The following MCM9 variants were observed in gnomAD, a reference collection of about 807,000 sequenced individuals.
MCM9 encodes DNA helicase MCM9.
MCM9 carries 55 observed loss-of-function variants against 72.8 expected under a neutral mutation model. That is an observed-to-expected ratio of 0.76 (90% confidence interval 0.61 to 0.95). The LOEUF (loss-of-function observed/expected upper bound fraction) is 0.95. MCM9 is among the 40% of genes least tolerant of loss of function. MCM9 has a pLI of 0.00. For missense variants in MCM9, 1,279 were observed against 1,377.0 expected (o/e 0.93, Z 1.13); for synonymous variants, 480 against 503.4 (o/e 0.95, Z 0.62).
At chr6:118,894,102 C>G (rs1344430426) in intron 8 of MCM9, 6 of 1,144,750 alleles carry the variant, frequency 5.2e-6, no homozygotes, top group African/African-American at 1.6e-5. Context: ...ATTCCGGGAG[C>G]GGGAGCCCAT....
chr6:118,921,854 A>T (rs1781457914), intron 5 of MCM9, 151 bp downstream of exon 5: 2 of 589,444 alleles, frequency 3.4e-6, no homozygotes, highest in Non-Finnish European at 6.0e-6. Context: ...TCCTGCTATC[A>T]CTTCCCACCT....
chr6:118,930,043 T>C (rs1056863633), intron 3 of MCM9, among the ~76,000 whole-genome samples: 3 of 152,126 alleles, frequency 2.0e-5, no homozygotes, highest in South Asian at 2.1e-4. Flanking sequence ...GCATTCTTAT[T>C]GATTATAAAT....
chr6:118,852,996 C>G (rs1036649083), intron 9 of MCM9, among the ~76,000 whole-genome samples: 3 of 152,094 alleles, frequency 2.0e-5, no homozygotes, highest in Non-Finnish European at 2.9e-5. Flanking sequence ...CTTTATATTG[C>G]TAGTAGTATT....
At chr6:118,923,029 CAAA>C (rs780562520) in intron 4 of MCM9, among the ~76,000 whole-genome samples, 3 of 43,526 alleles carry the variant, frequency 6.9e-5, no homozygotes, top group Non-Finnish European at 1.0e-4. Context: ...AACTCCATCT[CAAA>C]AAAAAAAAAA....
intron 9 of MCM9, among the ~76,000 whole-genome samples, chr6:118,853,839 G>A (rs1375211664): frequency 1.3e-5 from 2 of 152,062 alleles, no homozygotes; most frequent in African/African-American, 2.4e-5. Context: ...TCTACAGATC[G>A]CTTTGGGGAG....
At chr6:118,870,847 C>T (rs1316596685) in intron 8 of MCM9, among the ~76,000 whole-genome samples, 2 of 151,766 alleles carry the variant, frequency 1.3e-5, no homozygotes, top group African/African-American at 4.8e-5. Flanking sequence ...ACAAATTTGA[C>T]CACCTAGAAG....
At chr6:118,913,533 A>G (rs1780710384) in intron 6 of MCM9, 113 bp from the exon 7 acceptor site, 2 of 1,309,148 alleles carry the variant, frequency 1.5e-6, no homozygotes, top group Admixed American at 2.2e-5. Flanking sequence ...TACTATGTGA[A>G]GTGATCAGGA....
chr6:118,904,648 T>G (rs1358177586), intron 8 of MCM9, among the ~76,000 whole-genome samples: 1 of 152,248 alleles, frequency 6.6e-6, no homozygotes, highest in Non-Finnish European at 1.5e-5. Flanking sequence ...AGGTTCACCT[T>G]ACAATAGCTT....
intron 6 of MCM9, among the ~76,000 whole-genome samples, chr6:118,916,402 T>A (rs1409648743): frequency 6.7e-6 from 1 of 148,198 alleles, no homozygotes; most frequent in Non-Finnish European, 1.5e-5. Flanking sequence ...TCCCATAAAA[T>A]AAAACTATCC....
intron 8 of MCM9, among the ~76,000 whole-genome samples, chr6:118,904,201 T>C (rs538199252): frequency 6.6e-6 from 1 of 152,254 alleles, no homozygotes; most frequent in South Asian, 2.1e-4. Context: ...GGAGATGACA[T>C]GAATTCAGCC....
At chr6:118,890,009 G>C (rs1475951960) in intron 8 of MCM9, among the ~76,000 whole-genome samples, 2 of 152,210 alleles carry the variant, frequency 1.3e-5, no homozygotes, top group African/African-American at 4.8e-5. Flanking sequence ...ATGCATTCCA[G>C]GATGTGTAGC....
At chr6:118,821,633 T>C (rs1163073169) in intron 13 of MCM9, among the ~76,000 whole-genome samples, 6 of 152,126 alleles carry the variant, frequency 3.9e-5, no homozygotes, top group Non-Finnish European at 5.9e-5. Flanking sequence ...ATCTTAGTGG[T>C]GTTCTCTGTA....
intron 8 of MCM9, among the ~76,000 whole-genome samples, chr6:118,888,333 A>C (rs2114434273): frequency 6.6e-6 from 1 of 152,170 alleles, no homozygotes; most frequent in South Asian, 2.1e-4. Flanking sequence ...AAAAATACAA[A>C]AAAATTAGCC....
intron 9 of MCM9, among the ~76,000 whole-genome samples, chr6:118,845,279 G>A (rs1484655553): frequency 6.6e-6 from 1 of 151,902 alleles, no homozygotes; most frequent in South Asian, 2.1e-4. Flanking sequence ...TGGTGGCGAT[G>A]AGATAATACA....
In MCM9 at chr6:118,856,444, T is replaced by G; in HGVS notation, c.1252A>C (p.Ser418Arg). The stretch of plus-strand genomic sequence containing the variant: ...CTGGTCCTATCATGCTCTTTGAGGC[T>G]ATTGAACTCATCAATACAGCAAAGG... ...AGLCCIDEFNSLKEHDRTSIH... is the reference protein window; with the variant it reads ...AGLCCIDEFNRLKEHDRTSIH... Residue 418 changes from serine to arginine, a missense_variant, in exon 9 of 14, where the codon AGC (serine) becomes CGC (arginine). Physicochemically the swap from Ser to Arg is moderately radical, Grantham distance 110. Coordinates refer to ENST00000619706, the MANE Select transcript of MCM9 (RefSeq NM_017696.3). 1 of 1,535,724 alleles carries G rather than the reference T, an allele frequency of 6.5e-7. No individual in the cohort carries two copies. The highest frequency in any genetic ancestry group is 8.7e-7 in the Non-Finnish European group (1 of 1,146,896).
intron 9 of MCM9, among the ~76,000 whole-genome samples, chr6:118,853,101 G>T (rs1034979985): frequency 6.6e-6 from 1 of 152,136 alleles, no homozygotes. Flanking sequence ...GAACAAAGCT[G>T]CTATAAACCA....
chr6:118,925,299 G>T (rs181076272), intron 3 of MCM9, among the ~76,000 whole-genome samples: 22 of 152,262 alleles, frequency 1.4e-4, no homozygotes, highest in African/African-American at 4.6e-4. Context: ...TCAAAAACCA[G>T]GTAGGTACGC....
chr6:118,826,213 C>T lies in MCM9; in HGVS notation c.1895G>A (p.Cys632Tyr). The change falls in exon 13 of 14, where the codon TGT becomes TAT. Residue 632 changes from cysteine to tyrosine, a missense_variant. By Grantham distance (194) the Cys-to-Tyr change is radical (BLOSUM62 -2). Coordinates refer to ENST00000619706, the MANE Select transcript of MCM9 (RefSeq NM_017696.3). ...CTCTAGCTTTTCCAGAATAAGTTCA[C>T]ACTGTCTCTGGTACTGCTCTCCAGG... ...ENPGEQYQRQ[C>Y]ELILEKLELQ... 3.9e-6 allele frequency: 6 copies of T among 1,550,516 alleles called. No individual in the cohort carries two copies. Among genetic ancestry groups the T allele is most frequent in the Non-Finnish European group, 5.2e-6 (6 of 1,146,952 alleles).
At chr6:118,895,569 T>C (rs897726356) in intron 8 of MCM9, among the ~76,000 whole-genome samples, 2 of 152,118 alleles carry the variant, frequency 1.3e-5, no homozygotes, top group African/African-American at 4.8e-5. Context: ...CAACTCCTCA[T>C]GTCAGTCCAA....
Sources: gnomAD v4.1 joint callset for allele counts (sites outside exome capture counted in the v4.1 genomes callset) on GRCh38, gnomAD v4.1.1 for gene constraint, MANE v1.5 for transcripts, NCBI Gene and HGNC (gene_info 2026-07-23, HGNC 2026-07-21) for gene names.